Variants in RBM27 observed in about 807,000 individuals in gnomAD.
The protein encoded by RBM27 is RNA binding motif protein 27, also known as RNA-binding protein 27.
RBM27 carries 22 observed loss-of-function variants against 135.3 expected under a neutral mutation model. The observed-to-expected ratio is 0.16, with a 90% confidence interval of 0.12 to 0.23. RBM27 has a LOEUF of 0.23. RBM27 is among the 10% of genes least tolerant of loss of function. The probability of loss-of-function intolerance (pLI) is 1.00; values close to 1 mark genes in which losing one functional copy is unlikely to be tolerated. For synonymous variants in RBM27, 481 were observed against 442.4 expected, an observed-to-expected ratio of 1.09 and a Z score of -1.10; for missense variants, 1,009 against 1,281.0, an observed-to-expected ratio of 0.79 and a Z score of 3.24.
rs1192182043 is a variant in RBM27 at position 146,203,752 on chromosome 5, G to A, written c.-14G>A. 2 of 1,549,090 alleles carry A rather than the reference G, an allele frequency of 1.3e-6. No homozygotes were observed. Among genetic ancestry groups the A allele is most frequent in the Non-Finnish European group, 1.7e-6 (2 of 1,145,720 alleles). ...CTGAAGAAGAGCGGCGGCCGAGCCCGCCTTCCCTGCACCATGCTCATAGAG... is the reference window on the plus strand; with the variant it reads ...CTGAAGAAGAGCGGCGGCCGAGCCCACCTTCCCTGCACCATGCTCATAGAG... On this transcript the variant is annotated 5_prime_UTR_variant, in exon 1 of 21. Transcript: ENST00000265271.
intron 8 of RBM27, among the ~76,000 whole-genome samples, chr5:146,243,541 T>A (rs1321788816): frequency 6.6e-6 from 1 of 152,160 alleles, no homozygotes; most frequent in Non-Finnish European, 1.5e-5. Context: ...TCTGAAAAAG[T>A]CTGAAATCTG....
intron 5 of RBM27, 96 bp downstream of exon 5, chr5:146,230,006 T>C (rs1421596840): frequency 7.2e-6 from 10 of 1,380,838 alleles, no homozygotes; most frequent in Non-Finnish European, 9.9e-6. Context: ...ACCTTTAATA[T>C]GTCTGAGCAG....
At chr5:146,279,559 GCA>G (rs1178263724) in intron 19 of RBM27, among the ~76,000 whole-genome samples, 1 of 152,100 alleles carries the variant, frequency 6.6e-6, no homozygotes, top group Non-Finnish European at 1.5e-5. Flanking sequence ...TATAATCACA[GCA>G]CTTTGGGAGG....
intron 7 of RBM27, among the ~76,000 whole-genome samples, 182 bp from the exon 8 acceptor site, chr5:146,237,116 G>A (rs995826511): frequency 2.6e-5 from 4 of 151,550 alleles, no homozygotes; most frequent in Non-Finnish European, 5.9e-5. Flanking sequence ...TTTTTGTATT[G>A]TTAGTAGAGA....
intron 13 of RBM27, among the ~76,000 whole-genome samples, chr5:146,263,084 A>G (rs1758465127): frequency 6.6e-6 from 1 of 151,994 alleles, no homozygotes; most frequent in Non-Finnish European, 1.5e-5. Context: ...GGGTTTCACC[A>G]TGTTGGCCAG....
chr5:146,210,509 A>G (rs568515011), intron 1 of RBM27, among the ~76,000 whole-genome samples: 5 of 150,166 alleles, frequency 3.3e-5, no homozygotes, highest in African/African-American at 1.2e-4. Flanking sequence ...GGACATCTCA[A>G]AAAAAAAAAT....
intron 1 of RBM27, among the ~76,000 whole-genome samples, chr5:146,216,720 T>C (rs1286996720): frequency 6.6e-6 from 1 of 151,950 alleles, no homozygotes; most frequent in Non-Finnish European, 1.5e-5. Flanking sequence ...GGTAGTGGTG[T>C]GGTCATGGCT....
intron 6 of RBM27, among the ~76,000 whole-genome samples, chr5:146,233,194 G>A (rs1261215903): frequency 6.6e-6 from 1 of 152,118 alleles, no homozygotes; most frequent in Non-Finnish European, 1.5e-5. Context: ...TAGTATAATG[G>A]TAGTTGGTAA....
intron 8 of RBM27, among the ~76,000 whole-genome samples, chr5:146,240,570 G>T (rs1043982384): frequency 2.0e-5 from 3 of 152,086 alleles, no homozygotes; most frequent in Admixed American, 1.3e-4. Flanking sequence ...CAGGTGATCC[G>T]CCTGCCTTGG....
In RBM27 at chr5:146,237,400, T is replaced by C; in HGVS notation, c.1247T>C (p.Leu416Ser). The change falls in exon 8 of 21, where the codon TTA becomes TCA. Residue 416 changes from leucine (L) to serine (S), a missense_variant. Coordinates refer to ENST00000265271, the MANE Select transcript of RBM27 (RefSeq NM_018989.2). ...GTGGGAACAAGACTACCTCCTCCTT[T>C]ACCCCAGAACCTCCTTTACACAGTA... Reference protein sequence around the residue: ...ASVGTRLPPPLPQNLLYTVSE... With the variant: ...ASVGTRLPPPSPQNLLYTVSE... 6.2e-7 allele frequency: 1 copy of C among 1,614,052 alleles called. No homozygotes were observed. Among genetic ancestry groups the C allele is most frequent in the Non-Finnish European group, 8.5e-7 (1 of 1,179,890 alleles).
intron 9 of RBM27, among the ~76,000 whole-genome samples, chr5:146,253,138 C>T (rs1163434704): frequency 6.6e-6 from 1 of 152,104 alleles, no homozygotes; most frequent in African/African-American, 2.4e-5. Flanking sequence ...GCTGGGATTA[C>T]AGGCGTGCAT....
chr5:146,227,739 C>A (rs13173347), intron 3 of RBM27, among the ~76,000 whole-genome samples: 35,240 of 151,828 alleles, frequency 0.23, 4,614 homozygotes, highest in Admixed American at 0.34. Context: ...ACTCGGTCTC[C>A]AAAAAACAAA....
Position 146,255,058 on chromosome 5 carries a change from C to T in RBM27, c.1560C>T (p.Gly520=). 6.2e-7 allele frequency: 1 copy of T among 1,612,674 alleles called. No individual in the cohort carries two copies. The highest frequency in any genetic ancestry group is 8.5e-7 in the Non-Finnish European group (1 of 1,178,972). ...AGACACAGCGTCCCAATCTGATTGG[C>T]CTAACATCTGGAGATATGGATGTAA... is the stretch of plus-strand genomic sequence containing the variant. ...RTQTQRPNLI[G]LTSGDMDVNP... The change falls in exon 10 of 21, where the codon GGC becomes GGT. Residue 520 remains glycine (G), a synonymous_variant. Transcript: ENST00000265271.
At chr5:146,219,246 ATTAT>A (rs1554078087) in intron 2 of RBM27, 143 bp downstream of exon 2, 2 of 534,728 alleles carry the variant, frequency 3.7e-6, no homozygotes, top group South Asian at 3.0e-5. Flanking sequence ...TTCATACTTA[ATTAT>A]TTATCATGTT....
In RBM27 at chr5:146,288,317, A is replaced by G. The variant is rs1487814776; in HGVS notation, c.*2287A>G. On this transcript the variant is annotated 3_prime_UTR_variant, in exon 21 of 21. Coordinates refer to ENST00000265271, the MANE Select transcript of RBM27 (RefSeq NM_018989.2). Reference sequence around the variant, plus strand: ...CAGAAGATAGAAGTGTGTTAAAGTGAAAAACAGTTTTTTCAGTAAGGTTTG... The same window carrying G: ...CAGAAGATAGAAGTGTGTTAAAGTGGAAAACAGTTTTTTCAGTAAGGTTTG... The G allele has an allele frequency of 6.6e-6, 1 of 152,060 alleles. No individual in the cohort carries two copies. Among genetic ancestry groups the G allele is most frequent in the African/African-American group, 2.4e-5 (1 of 41,444 alleles). The allele number at this position is 152,060 out of a possible 1,614,324, so 9.4% of individuals were successfully genotyped here.
chr5:146,260,609 G>T, intron 11 of RBM27, 136 bp from the exon 12 acceptor site: 1 of 608,878 alleles, frequency 1.6e-6, no homozygotes, highest in South Asian at 2.7e-5. Flanking sequence ...AAGTTTTCTG[G>T]GATTATAGGT....
At chr5:146,206,478 C>T (rs1248081147) in intron 1 of RBM27, among the ~76,000 whole-genome samples, 3 of 131,272 alleles carry the variant, frequency 2.3e-5, no homozygotes, top group African/African-American at 8.7e-5. Context: ...AGTTTAGTTT[C>T]TCCTTTTGAG....
intron 1 of RBM27, among the ~76,000 whole-genome samples, chr5:146,217,262 C>A (rs113819330): frequency 2.0e-5 from 3 of 151,916 alleles, no homozygotes; most frequent in Non-Finnish European, 4.4e-5. Context: ...CCACCGTGCC[C>A]GGCCAGGTGA....
In RBM27 at chr5:146,230,803, G is replaced by A; in HGVS notation, c.736G>A (p.Ala246Thr). Residue 246 changes from alanine to threonine, a missense_variant, in exon 6 of 21, where the codon GCT (alanine) becomes ACT (threonine). Physicochemically the swap from Ala to Thr is moderately conservative, Grantham distance 58 (BLOSUM62 0). This residue lies in a region of RBM27 where 268 missense variants were observed against 326.6 expected (regional missense o/e 0.82). Transcript: ENST00000265271. The stretch of plus-strand genomic sequence containing the variant: ...CAGCACTGTTACTGTGATCGCACCT[G>A]CTCACCACTCTGAAAACACAACTGA... The part of the protein sequence containing the change: ...IPSTVTVIAP[A>T]HHSENTTESW... The A allele has an allele frequency of 6.2e-7, 1 of 1,613,940 alleles. No homozygotes were observed. The highest frequency in any genetic ancestry group is 8.5e-7 in the Non-Finnish European group (1 of 1,179,912).
Sources: allele counts gnomAD v4.1 joint callset (sites outside exome capture counted in the v4.1 genomes callset), GRCh38; gene constraint gnomAD v4.1.1; regional missense constraint gnomAD v4.1.1; transcripts MANE v1.5; gene names NCBI Gene and HGNC (gene_info 2026-07-23, HGNC 2026-07-21).